Variants in ANKS1A observed in about 807,000 individuals in gnomAD.
ANKS1A encodes the protein ankyrin repeat and sterile alpha motif domain containing 1A.
ANKS1A carries 55 observed loss-of-function variants against 120.3 expected under a neutral mutation model. The ratio of observed to expected loss-of-function variants is 0.46; its 90% CI spans 0.37 to 0.57. ANKS1A has a LOEUF of 0.57. Ranked by LOEUF, ANKS1A falls within the 20% of genes least tolerant of loss-of-function variation. The pLI is 0.00. For synonymous variants in ANKS1A, 590 were observed against 604.7 expected (o/e 0.98, Z 0.36); for missense variants, 1,123 against 1,480.3 (o/e 0.76, Z 3.96).
At chr6:34,965,621 G>T (rs1770855678) in intron 1 of ANKS1A, among the ~76,000 whole-genome samples, 1 of 152,156 alleles carries the variant, frequency 6.6e-6, no homozygotes, top group African/African-American at 2.4e-5. Context: ...AAAATGCTGG[G>T]ATTACAGGTG....
At chr6:34,935,125 C>T (rs1581714463) in intron 1 of ANKS1A, among the ~76,000 whole-genome samples, 1 of 152,140 alleles carries the variant, frequency 6.6e-6, no homozygotes, top group Non-Finnish European at 1.5e-5. Context: ...CTTGATGTGT[C>T]GCTTAGGCTG....
intron 14 of ANKS1A, 140 bp from the exon 15 acceptor site, chr6:35,079,376 G>A (rs2127606644): frequency 1.0e-6 from 1 of 972,740 alleles, no homozygotes; most frequent in Non-Finnish European, 1.5e-6. Flanking sequence ...GTGCGAAGTG[G>A]GGGGCTGGAA....
Position 34,889,407 on chromosome 6 carries a change from G to A in ANKS1A, c.5G>A (p.Gly2Glu). The change falls in exon 1 of 24, where the codon GGG becomes GAG. Residue 2 changes from glycine (G) to glutamate (E), a missense_variant. Gly to Glu is a moderately conservative substitution (Grantham distance 98, BLOSUM62 -2). Around this residue, in one of 3 missense-constraint regions of ANKS1A, gnomAD observed 73 missense variants for 82.2 expected, o/e 0.89. Transcript: ENST00000360359. This position sits in a 1 kb window ranked among gnomAD's most constrained non-coding sequence, Gnocchi z 5.5. ...CAGCGGGTGGCGGCCCTGGGGATGG[G>A]GAAGGAGCAGGAGCTGCTGGAGGCG... The part of the protein sequence containing the change: M[G>E]KEQELLEAAR... 7.9e-7 allele frequency: 1 copy of A among 1,273,046 alleles called. No individual in the cohort carries two copies. The highest frequency in any genetic ancestry group is 9.9e-7 in the Non-Finnish European group (1 of 1,012,998). The allele number at this position is 1,273,046 out of a possible 1,614,324, so 78.9% of individuals were successfully genotyped here.
At chr6:35,036,446 GTGACCTAC>G (rs749355746) in intron 11 of ANKS1A, among the ~76,000 whole-genome samples, 1 of 152,260 alleles carries the variant, frequency 6.6e-6, no homozygotes, top group Non-Finnish European at 1.5e-5. Flanking sequence ...CATTAAGGAT[GTGACCTAC>G]TCAGAGTCTC....
chr6:35,046,530 T>G (rs1256030242), intron 11 of ANKS1A, among the ~76,000 whole-genome samples: 1 of 152,172 alleles, frequency 6.6e-6, no homozygotes, highest in Non-Finnish European at 1.5e-5. Flanking sequence ...CTTGAAAGAC[T>G]TGAGTAGTGA....
intron 11 of ANKS1A, among the ~76,000 whole-genome samples, chr6:35,048,314 A>G (rs1280591622): frequency 6.6e-6 from 1 of 152,208 alleles, no homozygotes; most frequent in Non-Finnish European, 1.5e-5. Flanking sequence ...AACAACCCAA[A>G]TGCCCCACGG....
At chr6:35,051,100 G>A (rs982234517) in intron 11 of ANKS1A, among the ~76,000 whole-genome samples, 4 of 152,082 alleles carry the variant, frequency 2.6e-5, no homozygotes, top group Non-Finnish European at 4.4e-5. Context: ...AGGCTGACGC[G>A]GGAGGATCCC....
At chr6:34,924,685 T>G (rs2127468534) in intron 1 of ANKS1A, among the ~76,000 whole-genome samples, 1 of 152,252 alleles carries the variant, frequency 6.6e-6, no homozygotes, top group East Asian at 1.9e-4. Context: ...GAGGAATCTG[T>G]TAGTGTATTT....
intron 10 of ANKS1A, among the ~76,000 whole-genome samples, chr6:35,014,082 A>AT (rs1209863043): frequency 4.6e-5 from 7 of 152,328 alleles, no homozygotes; most frequent in Non-Finnish European, 8.8e-5. Context: ...TGATCAGTAT[A>AT]TTCTATTGTT....
chr6:35,065,370 T>C (rs1367529738), intron 13 of ANKS1A, among the ~76,000 whole-genome samples: 1 of 152,236 alleles, frequency 6.6e-6, no homozygotes. Flanking sequence ...CCTGTTTTCA[T>C]GCCTGCTAAT....
chr6:35,056,433 C>T (rs1352086862), intron 12 of ANKS1A, among the ~76,000 whole-genome samples: 1 of 152,128 alleles, frequency 6.6e-6, no homozygotes, highest in East Asian at 1.9e-4. Context: ...GGACTACAGG[C>T]GCCCGCCACC....
chr6:35,088,419 A>G (rs1778111778), intron 23 of ANKS1A, among the ~76,000 whole-genome samples, 187 bp from the exon 24 acceptor site: 1 of 152,108 alleles, frequency 6.6e-6, no homozygotes, highest in Admixed American at 6.5e-5. Flanking sequence ...TGCCTTCCTG[A>G]GCAGAGTCAC....
intron 1 of ANKS1A, among the ~76,000 whole-genome samples, chr6:34,904,326 TA>T (rs149721440): frequency 0.03 from 4,542 of 152,246 alleles, 83 homozygotes; most frequent in African/African-American, 0.057. Context: ...TTTTTCTGAA[TA>T]TTTTTTTTCC....
intron 3 of ANKS1A, among the ~76,000 whole-genome samples, chr6:34,974,242 C>T (rs1415091501): frequency 1.2e-4 from 3 of 24,520 alleles, no homozygotes; most frequent in African/African-American, 5.8e-4. Flanking sequence ...TTCCCGTTCC[C>T]GTTCCCCTTC....
In ANKS1A at chr6:35,082,447, A is replaced by AGACTG. The variant is rs1265120772; in HGVS notation, c.2710-243_2710-239dup. ...TTGAGACTCATCTCGGACACCACAG[A>AGACTG]GACTGTCCTTCCCAAGCCCTGCTCT... On this transcript the variant is annotated intron_variant, in intron 17 of 23. Transcript: ENST00000360359. The surrounding 1 kb of genome is among the most constrained non-coding windows in gnomAD (Gnocchi z 4.1). Among the ~76,000 whole-genome samples the AGACTG allele has an allele frequency of 6.6e-6, 1 of 151,856 alleles. No individual in the cohort carries two copies. Among genetic ancestry groups the AGACTG allele is most frequent in the Non-Finnish European group, 1.5e-5 (1 of 67,936 alleles).
chr6:34,982,609 G>T lies in ANKS1A; in HGVS notation c.733-143G>T. On this transcript the variant is annotated intron_variant, in intron 4 of 23. Transcript: ENST00000360359. The surrounding 1 kb of genome is among the most constrained non-coding windows in gnomAD (Gnocchi z 4.9). ...GATCGTGGTTTTGGAATCCACACAA[G>T]AAAAGCTGGAAAGATAATGACAGAG... is the stretch of plus-strand genomic sequence containing the variant. The T allele has an allele frequency of 1.1e-6, 1 of 872,548 alleles. No homozygotes were observed. Among genetic ancestry groups the T allele is most frequent in the Non-Finnish European group, 1.8e-6 (1 of 551,462 alleles). The allele number at this position is 872,548 out of a possible 1,614,324, so 54.1% of individuals were successfully genotyped here. A position where few individuals can be genotyped will look rare whatever the true frequency, so the allele number is the denominator to read the frequency against.
intron 1 of ANKS1A, among the ~76,000 whole-genome samples, chr6:34,947,142 CTTTT>C (rs71002514): frequency 9.8e-6 from 1 of 101,992 alleles, no homozygotes; most frequent in African/African-American, 4.4e-5. Context: ...ATAGTAGACT[CTTTT>C]TTTTTTTTTT....
intron 1 of ANKS1A, among the ~76,000 whole-genome samples, chr6:34,946,270 C>T (rs1217698953): frequency 5.3e-5 from 8 of 151,612 alleles, no homozygotes; most frequent in Admixed American, 1.3e-4. Context: ...CATGAGCCAC[C>T]GTGCCCGGCC....
intron 1 of ANKS1A, among the ~76,000 whole-genome samples, chr6:34,909,384 AATCATT>A (rs1341594121): frequency 3.3e-5 from 5 of 152,326 alleles, no homozygotes; most frequent in South Asian, 2.1e-4. Context: ...CATTTGCCAT[AATCATT>A]ATCATTATCA....
Sources: gnomAD v4.1 joint callset for allele counts (sites outside exome capture counted in the v4.1 genomes callset) on GRCh38, gnomAD v4.1.1 for gene constraint, gnomAD v4.1.1 regional missense constraint, Gnocchi (gnomAD v3.1) non-coding constraint, MANE v1.5 for transcripts, NCBI Gene and HGNC (gene_info 2026-07-23, HGNC 2026-07-21) for gene names.